Variants in ZBTB37 observed in about 807,000 individuals in gnomAD.
The protein encoded by ZBTB37 is zinc finger and BTB domain containing 37.
A neutral mutation model predicts 37.7 loss-of-function variants in ZBTB37; 15 were observed. That is an observed-to-expected ratio of 0.40 (90% CI 0.27 to 0.61). ZBTB37 has a LOEUF of 0.61. Ranked by LOEUF, ZBTB37 falls within the 20% of genes least tolerant of loss-of-function variation. The pLI, the probability that ZBTB37 is intolerant of heterozygous loss-of-function variation, is 0.44. For synonymous variants in ZBTB37, 231 were observed against 220.6 expected (o/e 1.05, Z -0.42); for missense variants, 514 against 641.9 (o/e 0.80, Z 2.15).
At chr1:173,872,778 C>CT (rs1385271516) in intron 3 of ZBTB37, among the ~76,000 whole-genome samples, 1 of 152,058 alleles carries the variant, frequency 6.6e-6, no homozygotes, top group Non-Finnish European at 1.5e-5. Context: ...GAGGCTGAGG[C>CT]AGGTGGATCA....
At chr1:173,883,000 C>T (rs1656421693) in intron 4 of ZBTB37, among the ~76,000 whole-genome samples, 2 of 152,170 alleles carry the variant, frequency 1.3e-5, no homozygotes, top group Non-Finnish European at 1.5e-5. Context: ...TTACTATATT[C>T]ACTTTACAGG....
intron 4 of ZBTB37, among the ~76,000 whole-genome samples, chr1:173,877,373 C>CTTTTT (rs58043559): frequency 1.6e-4 from 14 of 87,782 alleles, no homozygotes; most frequent in South Asian, 1.2e-3. Context: ...GATTTTCTTT[C>CTTTTT]TTTTTTTTTT....
At chr1:173,902,108 G>A (rs1295960676) in exon 4 of ZBTB37, 2 of 152,152 alleles carry the variant, frequency 1.3e-5, no homozygotes, top group Non-Finnish European at 2.9e-5. Context: ...AAACTCTTGG[G>A]TTTTTAACCC....
exon 2 of ZBTB37, chr1:173,869,044 C>T (rs1276814690): frequency 6.6e-6 from 1 of 152,620 alleles, no homozygotes; most frequent in Non-Finnish European, 1.5e-5. Flanking sequence ...ATAAACACAT[C>T]TGAATTCATG....
chr1:173,899,028 CTT>C (rs1334695792), exon 4 of ZBTB37: 2 of 152,146 alleles, frequency 1.3e-5, no homozygotes, highest in Non-Finnish European at 2.9e-5. Flanking sequence ...TTCCTGGTGA[CTT>C]TGGATACGGC....
chr1:173,882,233 GTTTCTTTTTTTTTT>G (rs1202731565), intron 4 of ZBTB37, among the ~76,000 whole-genome samples: 3 of 130,282 alleles, frequency 2.3e-5, no homozygotes, highest in Non-Finnish European at 3.2e-5. Flanking sequence ...TCTGATGGTA[GTTTCTTTTTTTTTT>G]TTTTTTTTTT....
rs1242598868 is a variant in ZBTB37 at position 173,886,426 on chromosome 1, A to T, written c.*302A>T. ...GGTTTTTTAACAAAACGATGATGAT[A>T]AATGGTCATTTATCTATCAGTCATG... On this transcript the variant is annotated 3_prime_UTR_variant, in exon 5 of 5. Transcript: ENST00000427304. 8.5e-6 allele frequency: 3 copies of T among 351,054 alleles called. No individual in the cohort carries two copies. In the East Asian group the frequency reaches 1.8e-4, roughly 22 times the overall value. The allele number at this position is 351,054 out of a possible 1,614,324, so 21.7% of individuals were successfully genotyped here.
chr1:173,881,521 A>T (rs1359457301), intron 4 of ZBTB37, among the ~76,000 whole-genome samples: 2 of 152,188 alleles, frequency 1.3e-5, no homozygotes, highest in Non-Finnish European at 2.9e-5. Context: ...ATCCTTGAGG[A>T]ATTGCCACAC....
chr1:173,875,116 ATGTGTGTGTGTGTGTGTGTG>A (rs71111072), intron 4 of ZBTB37, among the ~76,000 whole-genome samples: 11 of 137,120 alleles, frequency 8.0e-5, no homozygotes, highest in East Asian at 4.2e-4. Context: ...TCTGATTATT[ATGTGTGTGTGTGTGTGTGTG>A]TGTGTGTGTG....
At chr1:173,871,026 T>G in exon 3 of ZBTB37, 1 of 1,614,154 alleles carries the variant, frequency 6.2e-7, no homozygotes, top group Non-Finnish European at 8.5e-7. Context: ...ATGGGAGTAG[T>G]GCAGAGGAAG....
downstream of ZBTB37, chr1:173,888,226 G>A (rs1387952578): frequency 6.6e-6 from 1 of 152,136 alleles, no homozygotes; most frequent in Non-Finnish European, 1.5e-5. Context: ...AAAAGGTAAA[G>A]TTGAATTAGC....
chr1:173,899,606 A>G (rs971009950), exon 4 of ZBTB37: 11 of 152,176 alleles, frequency 7.2e-5, no homozygotes, highest in Non-Finnish European at 1.5e-5. Context: ...TTGGTTGCAC[A>G]TTAGAATTGC....
exon 3 of ZBTB37, chr1:173,870,871 C>A (rs200656583): frequency 6.2e-7 from 1 of 1,614,168 alleles, no homozygotes; most frequent in East Asian, 2.2e-5. Context: ...TCGGATCAAC[C>A]GAGCAGGACA....
chr1:173,875,788 G>A (rs1395093640), intron 4 of ZBTB37, among the ~76,000 whole-genome samples: 1 of 151,940 alleles, frequency 6.6e-6, no homozygotes, highest in Non-Finnish European at 1.5e-5. Context: ...CTGAGTAGCT[G>A]GAACCACAGA....
intron 4 of ZBTB37, among the ~76,000 whole-genome samples, chr1:173,881,319 G>C (rs1656291868): frequency 1.3e-5 from 2 of 152,210 alleles, no homozygotes; most frequent in African/African-American, 2.4e-5. Flanking sequence ...ATTCCATGGT[G>C]TATATGTGCC....
exon 5 of ZBTB37, chr1:173,886,090 T>G: frequency 6.4e-7 from 1 of 1,551,506 alleles, no homozygotes; most frequent in Non-Finnish European, 8.7e-7. Context: ...GGGGAAGCTG[T>G]CCAGGGCTCT....
chr1:173,892,694 C>T (rs554998730), exon 4 of ZBTB37: 1 of 152,236 alleles, frequency 6.6e-6, no homozygotes, highest in South Asian at 2.1e-4. Flanking sequence ...ATTTTCTTAC[C>T]TGACATTTTT....
At chr1:173,882,480 T>C (rs904309428) in intron 4 of ZBTB37, among the ~76,000 whole-genome samples, 7 of 152,088 alleles carry the variant, frequency 4.6e-5, no homozygotes, top group Non-Finnish European at 7.3e-5. Context: ...GACCTCATGA[T>C]TCGCCCACCT....
chr1:173,876,690 A>C (rs1486081435), intron 4 of ZBTB37, among the ~76,000 whole-genome samples: 2 of 152,210 alleles, frequency 1.3e-5, no homozygotes, highest in Non-Finnish European at 2.9e-5. Context: ...TGTGTTTTTT[A>C]GTTTTGATAA....
Sources: gnomAD v4.1 joint callset for allele counts (sites outside exome capture counted in the v4.1 genomes callset) on GRCh38, gnomAD v4.1.1 for gene constraint, MANE v1.5 for transcripts, NCBI Gene and HGNC (gene_info 2026-07-23, HGNC 2026-07-21) for gene names.